The following NBEA variants were observed in gnomAD, a reference collection of about 807,000 sequenced individuals.
NBEA encodes the protein lysosomal-trafficking regulator 2.
Under a neutral mutation model 343.4 loss-of-function variants are expected in NBEA, and 44 were observed. The ratio of observed to expected loss-of-function variants is 0.13; its 90% confidence interval spans 0.10 to 0.16. The LOEUF (loss-of-function observed/expected upper bound fraction) is 0.16. Among genes scored for constraint, NBEA ranks in the 10% least tolerant of loss-of-function variants. NBEA has a pLI of 1.00. For missense variants in NBEA, 2,555 were observed against 3,631.3 expected (o/e 0.70, Z 7.62); for synonymous variants, 1,175 against 1,238.7 (o/e 0.95, Z 1.08).
chr13:35,408,150 CA>C (rs1169082114), intron 38 of NBEA, among the ~76,000 whole-genome samples: 6 of 151,990 alleles, frequency 3.9e-5, no homozygotes, highest in Non-Finnish European at 8.8e-5. Flanking sequence ...ATGGTGGGTA[CA>C]AAAACAGACA....
intron 41 of NBEA, among the ~76,000 whole-genome samples, chr13:35,512,517 T>C (rs1411033072): frequency 1.3e-5 from 2 of 152,208 alleles, no homozygotes; most frequent in Non-Finnish European, 2.9e-5. Flanking sequence ...AACCATTTGG[T>C]CTGCTAATCT....
chr13:35,451,594 A>G (rs1025606920), intron 39 of NBEA, among the ~76,000 whole-genome samples: 2 of 152,176 alleles, frequency 1.3e-5, no homozygotes, highest in Admixed American at 1.3e-4. Context: ...TCACATGTGA[A>G]TGGTTTCTCG....
At chr13:35,238,972 A>G (rs1363769365) in intron 34 of NBEA, among the ~76,000 whole-genome samples, 5 of 152,164 alleles carry the variant, frequency 3.3e-5, no homozygotes, top group African/African-American at 7.2e-5. Flanking sequence ...TTGTAGTAGC[A>G]TTATAGGCAC....
At chr13:34,943,808 T>C (rs187971245) in intron 1 of NBEA, among the ~76,000 whole-genome samples, 1 of 152,286 alleles carries the variant, frequency 6.6e-6, no homozygotes, top group East Asian at 1.9e-4. Context: ...CAGGTTGATT[T>C]CTGTGGTTAC....
chr13:35,601,138 T>C, intron 47 of NBEA, among the ~76,000 whole-genome samples: 1 of 151,116 alleles, frequency 6.6e-6, no homozygotes, highest in South Asian at 2.1e-4. Context: ...GATGGCACCA[T>C]TGCACTCCAG....
intron 33 of NBEA, among the ~76,000 whole-genome samples, chr13:35,227,860 A>G (rs2074746767): frequency 6.6e-6 from 1 of 151,968 alleles, no homozygotes; most frequent in Admixed American, 6.6e-5. Flanking sequence ...GAATTATTAT[A>G]TTTTTCTAGA....
At chr13:35,606,624 C>T (rs1367281079) in intron 48 of NBEA, 46 bp downstream of exon 48, 3 of 1,508,170 alleles carry the variant, frequency 2.0e-6, no homozygotes, top group Non-Finnish European at 2.7e-6. Flanking sequence ...AGGGAGTTAA[C>T]ATATTCTGTA....
Position 35,231,467 on chromosome 13 carries a change from T to C in NBEA, c.5649-1025T>C, listed in dbSNP as rs139168664. 9.2e-5 allele frequency among the ~76,000 whole-genome samples: 14 copies of C among 152,288 alleles called. No homozygotes were observed. The East Asian group carries it at 2.5e-3, about 27-fold the overall frequency. ...GACCTTGTATTATTTTGTAACATTG[T>C]TTAATTGCTAACTGTACATATCGTC... is the stretch of plus-strand genomic sequence containing the variant. On this transcript the variant is annotated intron_variant, in intron 33 of 58. Transcript: ENST00000379939.
intron 38 of NBEA, among the ~76,000 whole-genome samples, chr13:35,357,538 G>A (rs1176717560): frequency 1.3e-5 from 2 of 152,160 alleles, no homozygotes; most frequent in East Asian, 3.9e-4. Flanking sequence ...TTGTAAGTGA[G>A]AACACGTGGG....
Position 35,232,757 on chromosome 13 carries a change from A to G in NBEA, c.5776+138A>G, listed in dbSNP as rs878857178. 21 of 670,544 alleles carry G rather than the reference A, an allele frequency of 3.1e-5. 1 individual carries two copies. The highest frequency in any genetic ancestry group is 1.8e-4 in the South Asian group (5 of 27,084). 41.5% of individuals were successfully genotyped at this position (670,544 alleles called of 1,614,324 possible). ...TTCACAAATTCTAATAAGATATTCAATATGTTTTCTCTTCACTCATTTTTT... is the reference window on the plus strand; with the variant it reads ...TTCACAAATTCTAATAAGATATTCAGTATGTTTTCTCTTCACTCATTTTTT... On this transcript the variant is annotated intron_variant, in intron 34 of 58. Coordinates refer to ENST00000379939, the MANE Select transcript of NBEA (RefSeq NM_001385012.1).
intron 41 of NBEA, chr13:35,475,757 T>C (rs1473342982): frequency 6.2e-7 from 1 of 1,613,812 alleles, no homozygotes; most frequent in East Asian, 2.2e-5. Context: ...CTGGACCGGA[T>C]TTTGCGCGCC....
At chr13:35,451,479 T>G (rs2046311770) in intron 39 of NBEA, among the ~76,000 whole-genome samples, 1 of 152,228 alleles carries the variant, frequency 6.6e-6, no homozygotes, top group African/African-American at 2.4e-5. Context: ...AAAACCAGTA[T>G]TTATTTCACT....
intron 1 of NBEA, among the ~76,000 whole-genome samples, chr13:34,997,992 T>C (rs1284383419): frequency 2.0e-5 from 3 of 152,176 alleles, no homozygotes; most frequent in Non-Finnish European, 2.9e-5. Flanking sequence ...GTTAAAGGCA[T>C]GTAACTAACT....
chr13:35,656,928 A>G (rs971022797), intron 55 of NBEA, among the ~76,000 whole-genome samples: 2 of 152,214 alleles, frequency 1.3e-5, no homozygotes, highest in African/African-American at 2.4e-5. Flanking sequence ...ACAAGATGCC[A>G]TGTTACATTG....
chr13:35,124,842 T>A (rs1485406723), intron 17 of NBEA, among the ~76,000 whole-genome samples: 1 of 151,824 alleles, frequency 6.6e-6, no homozygotes, highest in Non-Finnish European at 1.5e-5. Flanking sequence ...ATATATGGTA[T>A]ATGGAACTGT....
chr13:35,199,960 C>T (rs1185838459), intron 31 of NBEA, among the ~76,000 whole-genome samples: 1 of 151,938 alleles, frequency 6.6e-6, no homozygotes, highest in Non-Finnish European at 1.5e-5. Context: ...CAGATGTGTA[C>T]TCATGAAGTA....
Position 35,128,186 on chromosome 13 carries a change from G to A in NBEA, c.2336+4612G>A, listed in dbSNP as rs139211868. Among the ~76,000 whole-genome samples, 701 of 151,566 alleles carry A rather than the reference G, an allele frequency of 4.6e-3. 6 individuals carry two copies. The highest frequency in any genetic ancestry group is 0.016 in the African/African-American group (677 of 41,302). On this transcript the variant is annotated intron_variant, in intron 17 of 58. Coordinates refer to ENST00000379939, the MANE Select transcript of NBEA (RefSeq NM_001385012.1). ...ACCAGCATGGCACATGTATACCTACGTAACTAACCTGCACATTGTGCACAT... is the reference window on the plus strand; with the variant it reads ...ACCAGCATGGCACATGTATACCTACATAACTAACCTGCACATTGTGCACAT...
chr13:35,661,728 A>T (rs1281956069), intron 55 of NBEA, among the ~76,000 whole-genome samples: 1 of 152,226 alleles, frequency 6.6e-6, no homozygotes, highest in Non-Finnish European at 1.5e-5. Context: ...AAATCATAGT[A>T]GTAATGAAAC....
At chr13:35,297,910 C>T (rs998893746) in intron 35 of NBEA, among the ~76,000 whole-genome samples, 2 of 151,526 alleles carry the variant, frequency 1.3e-5, no homozygotes, top group African/African-American at 4.8e-5. Flanking sequence ...TAATTAAATT[C>T]ACAATGTTAT....
Sources: allele counts gnomAD v4.1 joint callset (sites outside exome capture counted in the v4.1 genomes callset), GRCh38; gene constraint gnomAD v4.1.1; transcripts MANE v1.5; gene names NCBI Gene and HGNC (gene_info 2026-07-23, HGNC 2026-07-21).